Variants in CLYBL observed in about 807,000 individuals in gnomAD.
CLYBL encodes citramalyl-CoA lyase, mitochondrial.
Under a neutral mutation model 38.9 loss-of-function variants are expected in CLYBL, and 31 were observed. That is an observed-to-expected ratio of 0.80 (90% CI 0.60 to 1.08). The LOEUF (loss-of-function observed/expected upper bound fraction) is 1.08. Ranked by LOEUF, CLYBL falls within the 50% of genes least tolerant of loss-of-function variation. CLYBL has a pLI of 0.00. For synonymous variants in CLYBL, 171 were observed against 158.6 expected (o/e 1.08, Z -0.59); for missense variants, 434 against 411.6 (o/e 1.05, Z -0.47).
chr13:99,642,415 A>ATTG (rs757774723), intron 1 of CLYBL, among the ~76,000 whole-genome samples: 1 of 151,196 alleles, frequency 6.6e-6, no homozygotes, highest in East Asian at 1.9e-4. Flanking sequence ...GATTATTGTT[A>ATTG]TTATTATTAT....
intron 5 of CLYBL, 105 bp from the exon 6 acceptor site, chr13:99,866,135 T>G (rs2051735963): frequency 8.7e-7 from 1 of 1,143,874 alleles, no homozygotes. Context: ...AGGAGCAATT[T>G]CCAGGGAGGT....
At chr13:99,726,944 A>G (rs1432756247) in intron 1 of CLYBL, among the ~76,000 whole-genome samples, 1 of 152,156 alleles carries the variant, frequency 6.6e-6, no homozygotes, top group African/African-American at 2.4e-5. Flanking sequence ...AGATCACCTG[A>G]GGTCAGGAGT....
intron 1 of CLYBL, among the ~76,000 whole-genome samples, chr13:99,681,657 GCTCATTGCAACCTCCAC>G (rs145131703): frequency 0.03 from 4,523 of 152,178 alleles, 219 homozygotes; most frequent in African/African-American, 0.1. Context: ...CACGGTCTCG[GCTCATTGCAACCTCCAC>G]CTTCCGGGTT....
downstream of CLYBL, chr13:99,896,788 G>T (rs970370383): frequency 1.3e-5 from 2 of 152,352 alleles, no homozygotes; most frequent in East Asian, 1.9e-4. Flanking sequence ...ATCCCTGGAG[G>T]CCACTCTAAG....
chr13:99,677,317 C>T (rs2047668368), intron 1 of CLYBL, among the ~76,000 whole-genome samples: 1 of 151,818 alleles, frequency 6.6e-6, no homozygotes, highest in South Asian at 2.1e-4. Context: ...CAGCCAAATA[C>T]ATTGACTTTG....
At chr13:99,654,147 C>T (rs760738628) in intron 1 of CLYBL, among the ~76,000 whole-genome samples, 1 of 152,196 alleles carries the variant, frequency 6.6e-6, no homozygotes, top group Admixed American at 6.5e-5. Flanking sequence ...TATTTCTGCT[C>T]ACCCTGACCA....
chr13:99,645,387 A>G (rs898858776), intron 1 of CLYBL, among the ~76,000 whole-genome samples: 6 of 151,364 alleles, frequency 4.0e-5, no homozygotes, highest in Admixed American at 1.3e-4. Context: ...AGTCCCAGCT[A>G]CTTGGGAGGC....
At chr13:99,787,227 C>G (rs2049815134) in intron 2 of CLYBL, among the ~76,000 whole-genome samples, 2 of 152,116 alleles carry the variant, frequency 1.3e-5, no homozygotes, top group Non-Finnish European at 2.9e-5. Context: ...TCAATTTTGG[C>G]TTTTGTTGCC....
At chr13:99,823,172 T>C (rs546528766) in intron 2 of CLYBL, among the ~76,000 whole-genome samples, 61 of 152,240 alleles carry the variant, frequency 4.0e-4, no homozygotes, top group African/African-American at 1.4e-3. Context: ...TACTCAGGAC[T>C]GTAGTTTACA....
chr13:99,874,646 AAC>A (rs944699600), intron 7 of CLYBL, among the ~76,000 whole-genome samples: 6 of 152,186 alleles, frequency 3.9e-5, no homozygotes, highest in African/African-American at 7.2e-5. Context: ...ATTTTATATA[AAC>A]ACATATAGCA....
intron 1 of CLYBL, among the ~76,000 whole-genome samples, chr13:99,655,099 G>A (rs923182034): frequency 1.3e-5 from 2 of 149,290 alleles, no homozygotes; most frequent in African/African-American, 2.5e-5. Context: ...TTTTTTAGAC[G>A]GAGTCTTGCT....
chr13:99,676,185 C>T (rs913384270), intron 1 of CLYBL, among the ~76,000 whole-genome samples: 21 of 122,280 alleles, frequency 1.7e-4, no homozygotes, highest in South Asian at 1.6e-3. Flanking sequence ...TCCCTCCGTC[C>T]GTCCTTCCTT....
chr13:99,742,380 CAT>C (rs747279890), intron 1 of CLYBL, among the ~76,000 whole-genome samples: 1 of 152,210 alleles, frequency 6.6e-6, no homozygotes, highest in African/African-American at 2.4e-5. Flanking sequence ...AAAAGTTACA[CAT>C]GTTGTTATTT....
At chr13:99,793,143 CTT>C (rs780056679) in intron 2 of CLYBL, among the ~76,000 whole-genome samples, 6 of 151,998 alleles carry the variant, frequency 3.9e-5, no homozygotes, top group Non-Finnish European at 5.9e-5. Flanking sequence ...ATTTGGCTAA[CTT>C]TTAAATTCCT....
chr13:99,824,510 A>T (rs899097678), intron 2 of CLYBL, among the ~76,000 whole-genome samples: 8 of 152,226 alleles, frequency 5.3e-5, no homozygotes, highest in Admixed American at 2.0e-4. Context: ...AAGATTGTTT[A>T]TAAACACACC....
At chr13:99,727,469 G>T (rs2048497968) in intron 1 of CLYBL, 1 of 151,826 alleles carries the variant, frequency 6.6e-6, no homozygotes, top group Non-Finnish European at 1.5e-5. Context: ...TCCGAGGATT[G>T]TGGTCCTCTG....
intron 2 of CLYBL, among the ~76,000 whole-genome samples, chr13:99,819,462 A>ATATATG (rs2050540634): frequency 2.5e-5 from 1 of 40,346 alleles, no homozygotes; most frequent in African/African-American, 1.0e-4. Context: ...ATATATATAT[A>ATATATG]TATATAATAT....
chr13:99,835,165 G>C (rs2050906401), intron 2 of CLYBL, among the ~76,000 whole-genome samples: 1 of 152,182 alleles, frequency 6.6e-6, no homozygotes, highest in African/African-American at 2.4e-5. Context: ...CCCTCTATGA[G>C]CGGCTGATTC....
At chr13:99,812,738 G>A (rs2050366876) in intron 2 of CLYBL, among the ~76,000 whole-genome samples, 1 of 152,218 alleles carries the variant, frequency 6.6e-6, no homozygotes, top group African/African-American at 2.4e-5. Context: ...AGTAACACCA[G>A]CCGGTTAACT....
Sources: allele counts gnomAD v4.1 joint callset (sites outside exome capture counted in the v4.1 genomes callset), GRCh38; gene constraint gnomAD v4.1.1; transcripts MANE v1.5; gene names NCBI Gene and HGNC (gene_info 2026-07-23, HGNC 2026-07-21).